EPB41L4A: variants seen among roughly 807,000 people sequenced by gnomAD.
The protein encoded by EPB41L4A is erythrocyte membrane protein band 4.1 like 4A, also known as band 4.1-like protein 4A.
Under a neutral mutation model 108.6 loss-of-function variants are expected in EPB41L4A, and 100 were observed. The observed-to-expected ratio is 0.92, with a 90% CI of 0.78 to 1.09. EPB41L4A has a LOEUF of 1.09. Ranked by LOEUF, EPB41L4A falls within the 50% of genes least tolerant of loss-of-function variation. The pLI, the probability that EPB41L4A is intolerant of heterozygous loss-of-function variation, is 0.00. For synonymous variants in EPB41L4A, 319 were observed against 289.0 expected (o/e 1.10, Z -1.05); for missense variants, 1,030 against 842.7 (o/e 1.22, Z -2.75).
chr5:112,331,331 G>GT (rs1018664566), intron 1 of EPB41L4A, among the ~76,000 whole-genome samples: 4 of 152,182 alleles, frequency 2.6e-5, no homozygotes, highest in African/African-American at 9.7e-5. Flanking sequence ...AGTTCTGCTG[G>GT]TTTTACATAT....
chr5:112,205,638 C>CTTT, intron 13 of EPB41L4A, 134 bp from the exon 14 acceptor site: 1 of 691,858 alleles, frequency 1.4e-6, no homozygotes, highest in Non-Finnish European at 2.4e-6. Context: ...ATACCTGTGA[C>CTTT]TCTAAAAAGA....
downstream of EPB41L4A, among the ~76,000 whole-genome samples, chr5:112,159,384 T>C (rs370469608): frequency 6.6e-5 from 10 of 152,358 alleles, no homozygotes; most frequent in African/African-American, 2.4e-4. Context: ...CTAGTTGTTA[T>C]CATACAACTT....
intron 1 of EPB41L4A, among the ~76,000 whole-genome samples, chr5:112,412,526 T>A (rs773282300): frequency 1.3e-5 from 2 of 152,232 alleles, no homozygotes; most frequent in Non-Finnish European, 2.9e-5. Context: ...CTCTAAATTG[T>A]ACTTACAAGG....
intron 18 of EPB41L4A, among the ~76,000 whole-genome samples, chr5:112,174,245 C>T (rs1425864671): frequency 2.0e-5 from 3 of 152,206 alleles, no homozygotes; most frequent in Non-Finnish European, 4.4e-5. Context: ...TCTGCACACA[C>T]ATTTAATCAA....
chr5:112,223,454 C>A (rs1748223236), intron 12 of EPB41L4A, among the ~76,000 whole-genome samples: 1 of 152,132 alleles, frequency 6.6e-6, no homozygotes, highest in Admixed American at 6.5e-5. Flanking sequence ...ACAATGAATT[C>A]TGATAGTAAA....
intron 1 of EPB41L4A, among the ~76,000 whole-genome samples, chr5:112,316,015 A>G (rs558623469): frequency 6.6e-6 from 1 of 152,356 alleles, no homozygotes; most frequent in African/African-American, 2.4e-5. Context: ...CAAATGAGAT[A>G]GATTACTTTC....
chr5:112,202,613 A>C (rs955771242), intron 15 of EPB41L4A, among the ~76,000 whole-genome samples: 1 of 152,130 alleles, frequency 6.6e-6, no homozygotes, highest in Non-Finnish European at 1.5e-5. Flanking sequence ...ATTCTGTCTA[A>C]TCATTGTTGG....
chr5:112,179,253 T>C (rs1384939339), intron 18 of EPB41L4A, among the ~76,000 whole-genome samples: 1 of 152,100 alleles, frequency 6.6e-6, no homozygotes, highest in Non-Finnish European at 1.5e-5. Flanking sequence ...GTTTCACTGG[T>C]GAATTCTATA....
intron 1 of EPB41L4A, among the ~76,000 whole-genome samples, chr5:112,322,743 A>C (rs537191238): frequency 8.3e-4 from 126 of 151,120 alleles, no homozygotes; most frequent in Middle Eastern, 6.8e-3. Flanking sequence ...CACACACCCC[A>C]CACACACACA....
rs201275993 is a variant in EPB41L4A at position 112,239,667 on chromosome 5, G to T, written c.958C>A (p.Arg320Ser). The change falls in exon 11 of 23, where the codon CGC becomes AGC. Residue 320 changes from arginine to serine, a missense_variant. Transcript: ENST00000261486. Reference protein sequence around the residue: ...SKFGSIRYKHRYSGRTALQMS... With the variant: ...SKFGSIRYKHSYSGRTALQMS... Reference sequence around the variant, plus strand: ...GAAAAAAATGTCATTTACCTGTAGCGGTGCTTATAACGTATGGATCCAAAC... The same window carrying T: ...GAAAAAAATGTCATTTACCTGTAGCTGTGCTTATAACGTATGGATCCAAAC... 1.9e-6 allele frequency: 3 copies of T among 1,597,336 alleles called. No homozygotes were observed. The African/African-American group carries it at 4.0e-5, about 22-fold the overall frequency.
intron 1 of EPB41L4A, among the ~76,000 whole-genome samples, chr5:112,329,788 T>A (rs2150659755): frequency 6.6e-6 from 1 of 151,822 alleles, no homozygotes; most frequent in African/African-American, 2.4e-5. Flanking sequence ...GTGGGGGAAA[T>A]ACTTTCAGCA....
At chr5:112,199,650 T>C (rs1762126135) in intron 15 of EPB41L4A, among the ~76,000 whole-genome samples, 1 of 152,200 alleles carries the variant, frequency 6.6e-6, no homozygotes, top group Non-Finnish European at 1.5e-5. Flanking sequence ...ATTCAGGATA[T>C]CAGAATCTAA....
intron 6 of EPB41L4A, 82 bp downstream of exon 6, chr5:112,264,814 T>C: frequency 7.4e-7 from 1 of 1,355,872 alleles, no homozygotes; most frequent in Non-Finnish European, 1.0e-6. Flanking sequence ...GAAGAATTTA[T>C]CATTCTAGAA....
At chr5:112,299,320 T>C (rs1169393444) in intron 2 of EPB41L4A, among the ~76,000 whole-genome samples, 1 of 152,216 alleles carries the variant, frequency 6.6e-6, no homozygotes, top group African/African-American at 2.4e-5. Context: ...CTTTGCTGTA[T>C]CCTAGAGGTT....
At chr5:112,247,786 T>C (rs1469866197) in intron 9 of EPB41L4A, among the ~76,000 whole-genome samples, 4 of 152,292 alleles carry the variant, frequency 2.6e-5, no homozygotes, top group East Asian at 3.9e-4. Context: ...AAACATAGTC[T>C]TCTCTAAATC....
chr5:112,345,965 G>A (rs921096037), intron 1 of EPB41L4A, among the ~76,000 whole-genome samples: 1 of 151,834 alleles, frequency 6.6e-6, no homozygotes, highest in Admixed American at 6.6e-5. Flanking sequence ...ATAGTGAGTT[G>A]AAATGGGATA....
chr5:112,205,932 A>G (rs1424308896), intron 13 of EPB41L4A: 4 of 164,276 alleles, frequency 2.4e-5, no homozygotes, highest in African/African-American at 7.2e-5. Context: ...CTGAATCCAC[A>G]CAGGTCGGTC....
chr5:112,366,043 T>C (rs367639965), intron 1 of EPB41L4A, among the ~76,000 whole-genome samples: 2 of 152,038 alleles, frequency 1.3e-5, no homozygotes, highest in South Asian at 2.1e-4. Flanking sequence ...CTCTACGCAA[T>C]AGAAAACTAA....
At chr5:112,375,978 G>A (rs929896469) in intron 1 of EPB41L4A, among the ~76,000 whole-genome samples, 1 of 152,074 alleles carries the variant, frequency 6.6e-6, no homozygotes, top group African/African-American at 2.4e-5. Flanking sequence ...CTGTCCCCAG[G>A]GGTTGGCTTT....
Sources: allele counts gnomAD v4.1 joint callset (sites outside exome capture counted in the v4.1 genomes callset), GRCh38; gene constraint gnomAD v4.1.1; transcripts MANE v1.5; gene names NCBI Gene and HGNC (gene_info 2026-07-23, HGNC 2026-07-21).